Variants in ZNF783 observed in about 807,000 individuals in gnomAD.
ZNF783 encodes the protein zinc finger protein 783.
ZNF783 carries 25 observed loss-of-function variants against 31.3 expected under a neutral mutation model. The observed-to-expected ratio is 0.80, with a 90% CI of 0.58 to 1.11. The LOEUF (loss-of-function observed/expected upper bound fraction) is 1.11. Ranked by LOEUF, ZNF783 falls within the 50% of genes most tolerant of loss-of-function variation. The probability of loss-of-function intolerance (pLI) is 0.00; values close to 1 mark genes in which losing one functional copy is unlikely to be tolerated. For missense variants in ZNF783, 797 were observed against 760.0 expected (o/e 1.05, Z -0.57); for synonymous variants, 369 against 319.1 (o/e 1.16, Z -1.66).
intron 5 of ZNF783, 50 bp downstream of exon 5, chr7:149,278,577 C>A: frequency 6.3e-7 from 1 of 1,596,144 alleles, no homozygotes; most frequent in Non-Finnish European, 8.5e-7. Context: ...CGAGGCAGCA[C>A]GCGATCACCA....
intron 4 of ZNF783, among the ~76,000 whole-genome samples, chr7:149,272,449 G>A (rs1286039711): frequency 6.6e-6 from 1 of 152,202 alleles, no homozygotes; most frequent in Non-Finnish European, 1.5e-5. Context: ...TCTGTGTTGT[G>A]AGAAAGGTTC....
intron 1 of ZNF783, among the ~76,000 whole-genome samples, chr7:149,264,907 CTG>C (rs1797028687): frequency 7.0e-6 from 1 of 142,280 alleles, no homozygotes; most frequent in African/African-American, 2.6e-5. Flanking sequence ...AACAATTACT[CTG>C]TGGAAAGTGT....
rs577032793 is a variant in ZNF783, at chr7:149,266,955, C to G, written c.547+10C>G. On this transcript the variant is annotated intron_variant, in intron 3 of 5. Coordinates refer to ENST00000434415, the MANE Select transcript of ZNF783 (RefSeq NM_001195220.2). ...ACGCTGGTCTCCCTGGGTAAGGCCA[C>G]GGAGGGAGGATCTGGGCCTCTGTCC... 1 of 1,613,818 alleles carries G rather than the reference C, an allele frequency of 6.2e-7. No individual in the cohort carries two copies. Among genetic ancestry groups the G allele is most frequent in the Non-Finnish European group, 8.5e-7 (1 of 1,179,994 alleles).
At chr7:149,270,935 T>C (rs1797194491) in intron 4 of ZNF783, among the ~76,000 whole-genome samples, 1 of 152,202 alleles carries the variant, frequency 6.6e-6, no homozygotes, top group African/African-American at 2.4e-5. Context: ...TATTTCTAAT[T>C]CAAATTTAAT....
At chr7:149,278,288 G>A (rs1797379532) in intron 4 of ZNF783, 111 bp from the exon 5 acceptor site, 1 of 1,518,692 alleles carries the variant, frequency 6.6e-7, no homozygotes. Flanking sequence ...GCCCTGTGCT[G>A]GAGCTGAGGC....
At chr7:149,281,413 C>G (rs980593966) in intron 5 of ZNF783, 92 bp from the exon 6 acceptor site, 1 of 1,198,760 alleles carries the variant, frequency 8.3e-7, no homozygotes, top group Non-Finnish European at 1.1e-6. Flanking sequence ...AGATAGGGCC[C>G]GGGCTGAGGC....
chr7:149,267,047 CTG>C, intron 3 of ZNF783, 48 bp from the exon 4 acceptor site: 2 of 1,608,738 alleles, frequency 1.2e-6, no homozygotes, highest in Non-Finnish European at 1.7e-6. Flanking sequence ...CTCTGCATCT[CTG>C]TGGGCATGTG....
Position 149,263,265 on chromosome 7 carries a change from C to CGTGT in ZNF783, c.24+945_24+948dup, listed in dbSNP as rs56067256. 8.8e-3 allele frequency among the ~76,000 whole-genome samples: 1,066 copies of CGTGT among 121,362 alleles called. 7 individuals are homozygous for CGTGT. The highest frequency in any genetic ancestry group is 0.018 in the East Asian group (66 of 3,764). 79.6% of individuals were successfully genotyped at this position (121,362 alleles called of 152,430 possible). On this transcript the variant is annotated intron_variant, in intron 1 of 5. Coordinates refer to ENST00000434415, the MANE Select transcript of ZNF783 (RefSeq NM_001195220.2). ...TTAATTAAAAAAGTATATATATATACGTGTGTGTGTGTGTGTGTGTGTGTG... is the reference window on the plus strand; with the variant it reads ...TTAATTAAAAAAGTATATATATATACGTGTGTGTGTGTGTGTGTGTGTGTGTGTG...
intron 5 of ZNF783, among the ~76,000 whole-genome samples, chr7:149,279,642 T>G (rs1320608360): frequency 5.4e-5 from 8 of 147,826 alleles, no homozygotes; most frequent in Middle Eastern, 3.4e-3. Context: ...GTTTTTTTTT[T>G]TTTTTTTTTT....
intron 4 of ZNF783, chr7:149,278,104 T>C (rs1468334658): frequency 8.9e-7 from 1 of 1,124,388 alleles, no homozygotes; most frequent in East Asian, 5.5e-5. Flanking sequence ...GGGACAGGCA[T>C]GGTGTTTCTC....
intron 3 of ZNF783, 60 bp from the exon 4 acceptor site, chr7:149,267,035 ATC>A: frequency 6.2e-7 from 1 of 1,609,460 alleles, no homozygotes. Context: ...TACTTTGGGC[ATC>A]TCTGCATCTC....
rs1363782052 is a variant in ZNF783, at chr7:149,281,902, G to A, written c.1200G>A (p.Val400=). 1 of 1,515,616 alleles carries A rather than the reference G, an allele frequency of 6.6e-7. No homozygotes were observed. Among genetic ancestry groups the A allele is most frequent in the Non-Finnish European group, 8.8e-7 (1 of 1,137,288 alleles). 93.9% of individuals were successfully genotyped at this position (1,515,616 alleles called of 1,614,324 possible). A position where few individuals can be genotyped will look rare whatever the true frequency, so the allele number is the denominator to read the frequency against. ...SQAMLEPGEV[V]VPGPVIRWLP... is the part of the protein sequence containing the mutation. ...CCATGCTGGAGCCGGGGGAGGTGGT[G>A]GTACCCGGCCCTGTCATCCGCTGGC... The change falls in exon 6 of 6, where the codon GTG becomes GTA. Residue 400 remains valine, a synonymous_variant. Transcript: ENST00000434415.
In ZNF783 at chr7:149,266,631, G is replaced by C. The variant is rs1260124909; in HGVS notation, c.321G>C (p.Gly107=). The change falls in exon 2 of 6, where the codon GGG becomes GGC. Residue 107 remains glycine (G), a synonymous_variant. Coordinates refer to ENST00000434415, the MANE Select transcript of ZNF783 (RefSeq NM_001195220.2). Reference sequence around the variant, plus strand: ...TGGGGACCTTGCTGCAGGAGTACGGGCTGCTGCAGAGGCGGCTGGAGAATG... The same window carrying C: ...TGGGGACCTTGCTGCAGGAGTACGGCCTGCTGCAGAGGCGGCTGGAGAATG... ...AVLGTLLQEY[G]LLQRRLENVE... 1 of 1,614,192 alleles carries C rather than the reference G, an allele frequency of 6.2e-7. No homozygotes were observed. Among genetic ancestry groups the C allele is most frequent in the Non-Finnish European group, 8.5e-7 (1 of 1,180,046 alleles).
At position 149,282,217 on chromosome 7, in the gene ZNF783, C is replaced by A. The variant is rs775513764; in HGVS notation, c.1515C>A (p.Arg505=). The part of the protein sequence containing the change: ...QCPQCGRTFN[R]NHHLAVHMQT... ...CCCAGTGTGGCCGGACCTTCAACCGCAACCACCACCTGGCCGTGCACATGC... is the reference window on the plus strand; with the variant it reads ...CCCAGTGTGGCCGGACCTTCAACCGAAACCACCACCTGGCCGTGCACATGC... Residue 505 remains arginine, a synonymous_variant, in exon 6 of 6, where the codon CGC becomes CGA. Transcript: ENST00000434415. The A allele has an allele frequency of 2.3e-5, 37 of 1,599,018 alleles. No homozygotes were observed. The highest frequency in any genetic ancestry group is 2.9e-5 in the Non-Finnish European group (34 of 1,179,560).
chr7:149,265,076 T>C (rs1208501814), intron 1 of ZNF783, among the ~76,000 whole-genome samples: 1 of 151,968 alleles, frequency 6.6e-6, no homozygotes, highest in Non-Finnish European at 1.5e-5. Context: ...TGATGGGAAC[T>C]TGGACTAGAC....
chr7:149,274,163 T>C (rs1344588544), intron 4 of ZNF783, among the ~76,000 whole-genome samples: 4 of 152,092 alleles, frequency 2.6e-5, no homozygotes, highest in African/African-American at 9.7e-5. Flanking sequence ...TCCTGGAGAG[T>C]TTCCCCAATG....
intron 4 of ZNF783, among the ~76,000 whole-genome samples, chr7:149,273,330 G>C (rs556220741): frequency 5.3e-5 from 8 of 152,224 alleles, no homozygotes; most frequent in African/African-American, 1.9e-4. Flanking sequence ...CCTCCATACT[G>C]TTCTCCATAG....
At chr7:149,276,455 G>A (rs947598612) in intron 4 of ZNF783, 1 of 985,906 alleles carries the variant, frequency 1.0e-6, no homozygotes, top group Non-Finnish European at 1.2e-6. Flanking sequence ...ACATTTTTAG[G>A]GGCAGTGTAA....
At chr7:149,264,523 G>A (rs893207927) in intron 1 of ZNF783, among the ~76,000 whole-genome samples, 30 of 152,272 alleles carry the variant, frequency 2.0e-4, no homozygotes, top group African/African-American at 6.3e-4. Context: ...ACACTGGGAA[G>A]CTATTGAAGA....
Sources: allele counts gnomAD v4.1 joint callset (sites outside exome capture counted in the v4.1 genomes callset), GRCh38; gene constraint gnomAD v4.1.1; transcripts MANE v1.5; gene names NCBI Gene and HGNC (gene_info 2026-07-23, HGNC 2026-07-21).